TFF2: variants seen among roughly 807,000 people sequenced by gnomAD.
TFF2 encodes the protein trefoil factor 2, also known as spasmolysin.
Under a neutral mutation model 16.0 loss-of-function variants are expected in TFF2, and 19 were observed. The observed-to-expected ratio is 1.19, with a 90% CI of 0.83 to 1.74. The LOEUF is 1.74. Ranked by LOEUF, TFF2 falls within the 40% of genes most tolerant of loss-of-function variation. TFF2 has a pLI of 0.00. For synonymous variants in TFF2, 61 were observed against 65.4 expected (o/e 0.93, Z 0.32); for missense variants, 168 against 166.8 (o/e 1.01, Z -0.04).
At chr21:42,347,326 A>G (rs2052076412) in intron 3 of TFF2, among the ~76,000 whole-genome samples, 160 bp downstream of exon 3, 1 of 152,196 alleles carries the variant, frequency 6.6e-6, no homozygotes, top group Admixed American at 6.5e-5. Flanking sequence ...TTTGCCAAGA[A>G]CATTCTGGAA....
intron 2 of TFF2, among the ~76,000 whole-genome samples, 153 bp from the exon 3 acceptor site, chr21:42,347,785 C>G (rs1027742778): frequency 2.0e-5 from 3 of 151,890 alleles, no homozygotes; most frequent in Non-Finnish European, 4.4e-5. Flanking sequence ...CGGCCTCCCC[C>G]GGGGACTGTG....
chr21:42,348,447 AT>A (rs531617472), intron 2 of TFF2, among the ~76,000 whole-genome samples: 2 of 152,084 alleles, frequency 1.3e-5, no homozygotes, highest in South Asian at 4.1e-4. Context: ...ATATATATAT[AT>A]TTTTTTCTCA....
chr21:42,349,739 C>T (rs113925096), intron 2 of TFF2, 142 bp downstream of exon 2: 19,970 of 840,562 alleles, frequency 0.024, 655 homozygotes, highest in African/African-American at 0.13. Context: ...ACTAACCAAC[C>T]GGGGCTAGCT....
rs932567668 is a variant in TFF2, at chr21:42,347,621, A to G, written c.241T>C (p.Cys81Arg). The change falls in exon 3 of 4, where the codon TGC (cysteine) becomes CGC (arginine). Residue 81 changes from cysteine to arginine, a missense_variant. Cys to Arg is a radical substitution (Grantham distance 180). Coordinates refer to ENST00000291526, the MANE Select transcript of TFF2 (RefSeq NM_005423.5). ...CTTCGGTCTGAGACCTCCATGACGC[A>G]CTGATCCGACTCTGCCATGGGACAG... ...HPLPKQESDQ[C>R]VMEVSDRRNC... 14 of 1,613,960 alleles carry G rather than the reference A, an allele frequency of 8.7e-6. No individual in the cohort carries two copies. Among genetic ancestry groups the G allele is most frequent in the Non-Finnish European group, 1.2e-5 (14 of 1,180,008 alleles).
chr21:42,348,756 C>CT, intron 2 of TFF2, among the ~76,000 whole-genome samples: 2 of 151,954 alleles, frequency 1.3e-5, no homozygotes, highest in East Asian at 3.9e-4. Flanking sequence ...ACTAACCAAC[C>CT]TAACCAACCT....
chr21:42,347,645 A>T lies in TFF2; in HGVS notation c.230-13T>A, dbSNP rs200083013. The T allele has an allele frequency of 6.2e-7, 1 of 1,613,314 alleles. No homozygotes were observed. Among genetic ancestry groups the T allele is most frequent in the Non-Finnish European group, 8.5e-7 (1 of 1,179,868 alleles). ...CACTGATCCGACTCTGCCATGGGAC[A>T]GGCACAGCACCGAGACCCAGTCAGG... On this transcript the variant is annotated splice_polypyrimidine_tract_variant and intron_variant, in intron 2 of 3. Transcript: ENST00000291526.
chr21:42,349,922 A>T lies in TFF2; in HGVS notation c.188T>A (p.Val63Asp). The T allele has an allele frequency of 6.2e-7, 1 of 1,601,422 alleles. No individual in the cohort carries two copies. Among genetic ancestry groups the T allele is most frequent in the Non-Finnish European group, 8.5e-7 (1 of 1,173,888 alleles). The change falls in exon 2 of 4, where the codon GTC (valine) becomes GAC (aspartate). Residue 63 changes from valine (V) to aspartate (D), a missense_variant. Val to Asp is a radical substitution (Grantham distance 152, BLOSUM62 -3). Transcript: ENST00000291526. ...FDNGCCFDSS[V>D]TGVPWCFHPL... ...GTGGAAACACCAGGGGACCCCAGTG[A>T]CACTGGAGTCGAAACAGCATCCATT...
rs376693551 is a variant in TFF2 at position 42,350,050 on chromosome 21, C to T, written c.80-20G>A. ...AGGGGGCTGTGGAAAGACCCTCAGT[C>T]GGCCCCACCCTGGTACCCCAGACCA... On this transcript the variant is annotated intron_variant, in intron 1 of 3. Transcript: ENST00000291526. 5.3e-5 allele frequency: 84 copies of T among 1,585,938 alleles called. No individual in the cohort carries two copies. Among genetic ancestry groups the T allele is most frequent in the East Asian group, 6.8e-5 (3 of 43,992 alleles).
At chr21:42,347,208 C>G (rs532461093) in intron 3 of TFF2, among the ~76,000 whole-genome samples, 4 of 152,250 alleles carry the variant, frequency 2.6e-5, no homozygotes, top group Non-Finnish European at 5.9e-5. Flanking sequence ...CGCCTCTGAA[C>G]GTTGCAACAC....
In TFF2 at chr21:42,347,499, C is replaced by T. The variant is rs1189481559; in HGVS notation, c.363G>A (p.Pro121=). The T allele has an allele frequency of 6.2e-6, 10 of 1,614,060 alleles. No homozygotes were observed. The East Asian group carries it at 1.3e-4, about 22-fold the overall frequency. ...FIFEVPWCFF[P]KSVEDCHY ...CAGCGACGTTACCTTCCACAGACTT[C>T]GGGAAGAAGCACCAGGGCACTTCAA... Residue 121 remains proline, a synonymous_variant, in exon 3 of 4, where the codon CCG becomes CCA. Coordinates refer to ENST00000291526, the MANE Select transcript of TFF2 (RefSeq NM_005423.5).
intron 2 of TFF2, 141 bp downstream of exon 2, chr21:42,349,740 G>A (rs941907414): frequency 8.7e-5 from 70 of 807,988 alleles, no homozygotes; most frequent in South Asian, 6.3e-4. Context: ...CTAACCAACC[G>A]GGGCTAGCTC....
At chr21:42,349,206 GC>G (rs2052093750) in intron 2 of TFF2, among the ~76,000 whole-genome samples, 1 of 149,594 alleles carries the variant, frequency 6.7e-6, no homozygotes, top group Non-Finnish European at 1.5e-5. Flanking sequence ...ACAAACCTAG[GC>G]TACTAGCCCC....
intron 2 of TFF2, among the ~76,000 whole-genome samples, chr21:42,348,293 A>G (rs2052085408): frequency 6.6e-6 from 1 of 152,138 alleles, no homozygotes; most frequent in Admixed American, 6.5e-5. Context: ...ACTCACTCCC[A>G]AAGAACCCTA....
In TFF2 at chr21:42,347,559, G is replaced by T. The variant is rs983611612; in HGVS notation, c.303C>A (p.Cys101Ter). Residue 101 changes from cysteine to a stop codon, truncating the protein, a stop_gained, in exon 3 of 4, where the codon TGC (cysteine) becomes TGA (stop). Coordinates refer to ENST00000291526, the MANE Select transcript of TFF2 (RefSeq NM_005423.5). LOFTEE classifies it high-confidence loss of function. The stretch of plus-strand genomic sequence containing the variant: ...TGGAGAAGCAGCACTTCCGAGAGGC[G>T]CATTCCTCGGGGCTGATGCCCGGGT... ...CGYPGISPEE[C>*]ASRKCCFSNF... The T allele has an allele frequency of 4.3e-6, 7 of 1,614,208 alleles. No individual in the cohort carries two copies. The highest frequency in any genetic ancestry group is 1.3e-5 in the African/African-American group (1 of 75,056).
intron 1 of TFF2, among the ~76,000 whole-genome samples, 157 bp downstream of exon 1, chr21:42,350,722 C>T (rs1451826350): frequency 1.3e-5 from 2 of 152,178 alleles, no homozygotes; most frequent in Non-Finnish European, 2.9e-5. Flanking sequence ...CTTCTTGGAG[C>T]CACCCTCCTG....
chr21:42,347,399 A>T (rs1251246285), intron 3 of TFF2, 87 bp downstream of exon 3: 4 of 1,570,880 alleles, frequency 2.5e-6, no homozygotes, highest in Non-Finnish European at 3.5e-6. Flanking sequence ...GCTGCGAGGC[A>T]GCTCCCCTCC....
At chr21:42,346,778 G>T (rs73368575) in intron 3 of TFF2, among the ~76,000 whole-genome samples, 1 of 151,978 alleles carries the variant, frequency 6.6e-6, no homozygotes, top group Non-Finnish European at 1.5e-5. Context: ...TGGACCTTTA[G>T]GTCACATAAA....
At chr21:42,347,843 C>G (rs779045741) in intron 2 of TFF2, among the ~76,000 whole-genome samples, 11 of 152,266 alleles carry the variant, frequency 7.2e-5, no homozygotes, top group African/African-American at 2.4e-4. Context: ...GTGGAAGTGT[C>G]GGCCCCAGCG....
At chr21:42,348,321 C>G (rs1312340240) in intron 2 of TFF2, among the ~76,000 whole-genome samples, 1 of 152,202 alleles carries the variant, frequency 6.6e-6, no homozygotes, top group Non-Finnish European at 1.5e-5. Flanking sequence ...TCACTTCCTT[C>G]CCTAACATTT....
Sources: gnomAD v4.1 joint callset for allele counts (sites outside exome capture counted in the v4.1 genomes callset) on GRCh38, gnomAD v4.1.1 for gene constraint, MANE v1.5 for transcripts, NCBI Gene and HGNC (gene_info 2026-07-23, HGNC 2026-07-21) for gene names.